The following METTL15 variants were observed in gnomAD, a reference collection of about 807,000 sequenced individuals.
METTL15 encodes the protein methyltransferase 15, mitochondrial 12S rRNA N4-cytidine.
METTL15 carries 34 observed loss-of-function variants against 38.3 expected under a neutral mutation model. That is an observed-to-expected ratio of 0.89 (90% CI 0.68 to 1.18). The LOEUF is 1.18. Ranked by LOEUF, METTL15 falls within the 50% of genes most tolerant of loss-of-function variation. The probability of loss-of-function intolerance (pLI) is 0.00; values close to 1 mark genes in which losing one functional copy is unlikely to be tolerated. For missense variants in METTL15, 438 were observed against 498.4 expected (o/e 0.88, Z 1.15); for synonymous variants, 162 against 170.9 (o/e 0.95, Z 0.41).
intron 6 of METTL15, among the ~76,000 whole-genome samples, chr11:28,469,499 C>A (rs1043223200): frequency 2.0e-4 from 31 of 152,088 alleles, no homozygotes; most frequent in African/African-American, 6.8e-4. Context: ...TGCACTTGAT[C>A]TAGAGTTAGG....
intron 3 of METTL15, among the ~76,000 whole-genome samples, chr11:28,151,431 C>A (rs1391503199): frequency 6.6e-6 from 1 of 151,924 alleles, no homozygotes; most frequent in Non-Finnish European, 1.5e-5. Flanking sequence ...TTGCAAATTA[C>A]TGGCAAAATA....
intron 5 of METTL15, among the ~76,000 whole-genome samples, chr11:28,413,101 A>T (rs531017027): frequency 8.9e-4 from 135 of 152,050 alleles, no homozygotes; most frequent in Non-Finnish European, 1.8e-3. Flanking sequence ...TCCTTTTGAG[A>T]CAAAAAAATA....
intron 3 of METTL15, among the ~76,000 whole-genome samples, chr11:28,178,713 G>T (rs757314134): frequency 6.6e-6 from 1 of 151,594 alleles, no homozygotes; most frequent in African/African-American, 2.4e-5. Context: ...CAAAATTTAA[G>T]TGTTAATCTT....
At chr11:28,211,255 G>C in intron 4 of METTL15, 57 bp downstream of exon 4, 1 of 1,515,702 alleles carries the variant, frequency 6.6e-7, no homozygotes, top group African/African-American at 1.4e-5. Flanking sequence ...ACAGAGCTTG[G>C]TTTACCACCT....
At chr11:28,502,448 T>TG (rs1851592562) in intron 6 of METTL15, among the ~76,000 whole-genome samples, 1 of 152,182 alleles carries the variant, frequency 6.6e-6, no homozygotes, top group Non-Finnish European at 1.5e-5. Context: ...CACAAACCCA[T>TG]GGTGGGCTTT....
intron 3 of METTL15, among the ~76,000 whole-genome samples, chr11:28,204,664 C>A (rs1251727362): frequency 6.6e-6 from 1 of 151,762 alleles, no homozygotes; most frequent in Non-Finnish European, 1.5e-5. Context: ...TTGCCACTTA[C>A]TAGTTTAGTG....
intron 3 of METTL15, among the ~76,000 whole-genome samples, chr11:28,165,949 A>G (rs1850643925): frequency 6.6e-6 from 1 of 151,942 alleles, no homozygotes; most frequent in African/African-American, 2.4e-5. Flanking sequence ...CTTTGTCTAA[A>G]GTGTGTGGGT....
At chr11:28,160,768 T>C (rs1850428136) in intron 3 of METTL15, among the ~76,000 whole-genome samples, 1 of 152,128 alleles carries the variant, frequency 6.6e-6, no homozygotes, top group African/African-American at 2.4e-5. Context: ...ATTTCTTGTA[T>C]ATAAATGTAC....
At chr11:28,299,688 G>A (rs1348723941) in intron 6 of METTL15, among the ~76,000 whole-genome samples, 1 of 152,142 alleles carries the variant, frequency 6.6e-6, no homozygotes, top group Admixed American at 6.6e-5. Flanking sequence ...CAATTGGAAG[G>A]GCACAAGTTC....
chr11:28,157,004 C>T (rs924174997), intron 3 of METTL15, among the ~76,000 whole-genome samples: 4 of 152,180 alleles, frequency 2.6e-5, no homozygotes, highest in African/African-American at 9.7e-5. Context: ...TTCCTGAAAT[C>T]GTAAACTCTT....
At chr11:28,259,690 T>A (rs948897974) in intron 4 of METTL15, among the ~76,000 whole-genome samples, 3 of 152,210 alleles carry the variant, frequency 2.0e-5, no homozygotes, top group Admixed American at 2.0e-4. Context: ...CTTTCTCCCC[T>A]GAGCATAGAA....
At chr11:28,341,707 A>G (rs190042226) in intron 3 of METTL15, among the ~76,000 whole-genome samples, 8 of 152,310 alleles carry the variant, frequency 5.3e-5, no homozygotes, top group Admixed American at 5.2e-4. Context: ...CCGTTGTACT[A>G]GTTTGTCAAA....
intron 3 of METTL15, among the ~76,000 whole-genome samples, chr11:28,135,979 A>T (rs1849501501): frequency 6.6e-6 from 1 of 152,172 alleles, no homozygotes; most frequent in Non-Finnish European, 1.5e-5. Flanking sequence ...TGAGTCCTGT[A>T]TGTTTCTCTC....
intron 3 of METTL15, among the ~76,000 whole-genome samples, chr11:28,198,223 A>G (rs1297903074): frequency 2.0e-5 from 3 of 152,076 alleles, no homozygotes; most frequent in East Asian, 1.9e-4. Context: ...GAGATTAGCT[A>G]CTTGTGTTAA....
At chr11:28,482,079 G>T (rs900349809) in intron 6 of METTL15, among the ~76,000 whole-genome samples, 12 of 152,088 alleles carry the variant, frequency 7.9e-5, no homozygotes, top group African/African-American at 2.9e-4. Context: ...AGAATAAAAT[G>T]ATTGCTTTCA....
At chr11:28,252,395 C>T (rs778510260) in intron 4 of METTL15, among the ~76,000 whole-genome samples, 3 of 152,084 alleles carry the variant, frequency 2.0e-5, no homozygotes, top group Non-Finnish European at 4.4e-5. Flanking sequence ...TTCTTTAAAT[C>T]TGTAACTCCC....
intron 4 of METTL15, among the ~76,000 whole-genome samples, chr11:28,275,410 A>C (rs771763938): frequency 2.0e-5 from 3 of 152,044 alleles, no homozygotes; most frequent in Non-Finnish European, 4.4e-5. Context: ...ACAAGGAAGA[A>C]ATAGATATCC....
At chr11:28,308,585 A>G (rs577354039) in intron 6 of METTL15, among the ~76,000 whole-genome samples, 2 of 152,330 alleles carry the variant, frequency 1.3e-5, no homozygotes, top group South Asian at 2.1e-4. Context: ...GAAATTAGCT[A>G]TAACTGATTA....
chr11:28,153,932 G>A (rs1053029680), intron 3 of METTL15, among the ~76,000 whole-genome samples: 7 of 151,992 alleles, frequency 4.6e-5, no homozygotes, highest in Non-Finnish European at 7.4e-5. Context: ...AAAAGTTCTG[G>A]TTTAAAATTT....
Sources: allele counts gnomAD v4.1 joint callset (sites outside exome capture counted in the v4.1 genomes callset), GRCh38; gene constraint gnomAD v4.1.1; transcripts MANE v1.5; gene names NCBI Gene and HGNC (gene_info 2026-07-23, HGNC 2026-07-21).